The following SVIL variants were observed in gnomAD, a reference collection of about 807,000 sequenced individuals.
SVIL encodes the protein supervillin.
SVIL carries 101 observed loss-of-function variants against 240.4 expected under a neutral mutation model. The ratio of observed to expected loss-of-function variants is 0.42; its 90% confidence interval spans 0.36 to 0.50. The LOEUF is 0.50. Among genes scored for constraint, SVIL ranks in the 20% least tolerant of loss-of-function variants. The pLI, the probability that SVIL is intolerant of heterozygous loss-of-function variation, is 0.01. For missense variants in SVIL, 2,512 were observed against 2,818.7 expected (o/e 0.89, Z 2.46); for synonymous variants, 999 against 1,100.0 (o/e 0.91, Z 1.82).
intron 1 of SVIL, among the ~76,000 whole-genome samples, chr10:29,605,704 A>AT (rs1956994027): frequency 8.2e-6 from 1 of 122,670 alleles, no homozygotes; most frequent in Non-Finnish European, 1.8e-5. Flanking sequence ...GGCTTTAAAA[A>AT]ATATATATTC....
intron 2 of SVIL, among the ~76,000 whole-genome samples, chr10:29,568,037 A>G (rs1324467731): frequency 6.6e-6 from 1 of 150,990 alleles, no homozygotes; most frequent in Non-Finnish European, 1.5e-5. Flanking sequence ...ACAAAAAAAA[A>G]AACAAAAACA....
In SVIL at chr10:29,569,068, A is replaced by T. The variant is rs376682408; in HGVS notation, c.-143+187T>A. On this transcript the variant is annotated intron_variant, in intron 2 of 37. Coordinates refer to ENST00000355867, the MANE Select transcript of SVIL (RefSeq NM_021738.3). ...AAGAGACAGCAAGATTCTGTTCTCC[A>T]AATAGTTTCCATAAGCAGAATTAAA... Among the ~76,000 whole-genome samples, 66 of 152,368 alleles carry T rather than the reference A, an allele frequency of 4.3e-4. 1 individual carries two copies. Among genetic ancestry groups the T allele is most frequent in the African/African-American group, 1.4e-3 (59 of 41,586 alleles).
At chr10:29,640,883 C>T (rs1453459347) in intron 3 of SVIL, among the ~76,000 whole-genome samples, 4 of 152,260 alleles carry the variant, frequency 2.6e-5, no homozygotes, top group Non-Finnish European at 5.9e-5. Context: ...TTTAAACGGC[C>T]CCACCCTGCC....
intron 17 of SVIL, among the ~76,000 whole-genome samples, chr10:29,503,707 A>G (rs1375748359): frequency 6.6e-6 from 1 of 152,274 alleles, no homozygotes; most frequent in Non-Finnish European, 1.5e-5. Flanking sequence ...CTTTAAACTT[A>G]ACAATATATG....
chr10:29,567,668 C>T (rs1356360448), intron 2 of SVIL, among the ~76,000 whole-genome samples: 1 of 151,968 alleles, frequency 6.6e-6, no homozygotes. Flanking sequence ...CTCTTTTTTC[C>T]TTAGTCACTT....
At chr10:29,611,653 G>T (rs569361669) in intron 1 of SVIL, among the ~76,000 whole-genome samples, 4 of 152,304 alleles carry the variant, frequency 2.6e-5, no homozygotes, top group Admixed American at 2.6e-4. Context: ...GGTAAGGATA[G>T]TTATTGTCAG....
chr10:29,542,045 A>G (rs1952205152), intron 6 of SVIL, among the ~76,000 whole-genome samples: 1 of 152,206 alleles, frequency 6.6e-6, no homozygotes, highest in African/African-American at 2.4e-5. Flanking sequence ...AGGGAAATTA[A>G]CAACATCGCT....
At chr10:29,546,701 A>T (rs1952725649) in intron 6 of SVIL, among the ~76,000 whole-genome samples, 1 of 152,164 alleles carries the variant, frequency 6.6e-6, no homozygotes, top group African/African-American at 2.4e-5. Context: ...CTCACATTTG[A>T]ATATTTAGGA....
chr10:29,498,913 C>T (rs1458383117), intron 18 of SVIL, among the ~76,000 whole-genome samples: 1 of 152,072 alleles, frequency 6.6e-6, no homozygotes, highest in African/African-American at 2.4e-5. Context: ...CCCATGAGTT[C>T]GAGGCTGCAG....
intron 1 of SVIL, among the ~76,000 whole-genome samples, chr10:29,693,956 C>CATAG (rs1961718485): frequency 6.6e-6 from 1 of 151,974 alleles, no homozygotes; most frequent in Admixed American, 6.6e-5. Context: ...TACATACATA[C>CATAG]ATACATAGAT....
chr10:29,473,869 G>A lies in SVIL; in HGVS notation c.5498C>T (p.Thr1833Met), dbSNP rs373607156. The A allele has an allele frequency of 1.7e-5, 28 of 1,613,806 alleles. No individual in the cohort carries two copies. The highest frequency in any genetic ancestry group is 3.3e-5 in the South Asian group (3 of 91,034). Reference protein sequence around the residue: ...VSEKGTSALMTVELDEERGAQ... With the variant: ...VSEKGTSALMMVELDEERGAQ... Reference sequence around the variant, plus strand: ...CCCCCTTTCCTCGTCCAGCTCCACCGTCATCAGCGCCGACGTGCCCTTCTC... The same window carrying A: ...CCCCCTTTCCTCGTCCAGCTCCACCATCATCAGCGCCGACGTGCCCTTCTC... Residue 1833 changes from threonine to methionine, a missense_variant, in exon 30 of 38, where the codon ACG becomes ATG. Thr to Met is a moderately conservative substitution (Grantham distance 81). Transcript: ENST00000355867.
intron 36 of SVIL, among the ~76,000 whole-genome samples, chr10:29,460,183 C>T (rs1402978939): frequency 3.9e-5 from 6 of 152,254 alleles, no homozygotes; most frequent in South Asian, 2.1e-4. Flanking sequence ...CAAGTGACTT[C>T]GTGTTTTTGT....
chr10:29,596,488 T>A (rs1045199217), intron 1 of SVIL, among the ~76,000 whole-genome samples: 3 of 151,444 alleles, frequency 2.0e-5, no homozygotes, highest in Non-Finnish European at 3.0e-5. Context: ...GAAAAAAAAA[T>A]TATTTGCCTT....
chr10:29,471,896 A>G (rs1405443514), intron 30 of SVIL, among the ~76,000 whole-genome samples: 1 of 152,226 alleles, frequency 6.6e-6, no homozygotes, highest in Non-Finnish European at 1.5e-5. Flanking sequence ...CCCATTTTGC[A>G]TAACCAATTG....
At chr10:29,698,711 A>G (rs1489491742) in intron 1 of SVIL, among the ~76,000 whole-genome samples, 2 of 12,044 alleles carry the variant, frequency 1.7e-4, no homozygotes, top group African/African-American at 3.2e-4. Context: ...TACTCCAGGA[A>G]AAAAAAAAAA....
intron 1 of SVIL, among the ~76,000 whole-genome samples, chr10:29,600,414 C>G (rs1047662085): frequency 2.6e-5 from 4 of 152,078 alleles, no homozygotes; most frequent in Admixed American, 6.6e-5. Context: ...CCCAGACATA[C>G]GGCACCAGAA....
At chr10:29,601,513 T>C (rs1956810932) in intron 1 of SVIL, among the ~76,000 whole-genome samples, 1 of 152,202 alleles carries the variant, frequency 6.6e-6, no homozygotes, top group Non-Finnish European at 1.5e-5. Flanking sequence ...GAGGCACAAT[T>C]TGCAACTACT....
At chr10:29,599,602 A>C (rs1956736376) in intron 1 of SVIL, among the ~76,000 whole-genome samples, 1 of 151,990 alleles carries the variant, frequency 6.6e-6, no homozygotes, top group African/African-American at 2.4e-5. Flanking sequence ...TTTTTAGTAG[A>C]GACGGGGTTT....
chr10:29,503,314 C>G (rs1366875124), intron 17 of SVIL, among the ~76,000 whole-genome samples: 1 of 152,132 alleles, frequency 6.6e-6, no homozygotes, highest in East Asian at 1.9e-4. Context: ...AAGTGTTTTC[C>G]AGTCCTGTCA....
Sources: gnomAD v4.1 joint callset for allele counts (sites outside exome capture counted in the v4.1 genomes callset) on GRCh38, gnomAD v4.1.1 for gene constraint, MANE v1.5 for transcripts, NCBI Gene and HGNC (gene_info 2026-07-23, HGNC 2026-07-21) for gene names.